The following LIMS2 variants were observed in gnomAD, a reference collection of about 807,000 sequenced individuals.
LIMS2 encodes the protein LIM and senescent cell antigen-like-containing domain protein 2.
LIMS2 carries 30 observed loss-of-function variants against 45.3 expected under a neutral mutation model. The observed-to-expected ratio is 0.66, with a 90% CI of 0.50 to 0.90. The LOEUF (loss-of-function observed/expected upper bound fraction) is 0.90, where lower values mean the gene tolerates loss of function less well. LIMS2 is among the 40% of genes least tolerant of loss of function. The pLI is 0.00. For missense variants in LIMS2, 485 were observed against 468.7 expected, an observed-to-expected ratio of 1.03 and a Z score of -0.32; for synonymous variants, 173 against 188.0, an observed-to-expected ratio of 0.92 and a Z score of 0.65.
intron 4 of LIMS2, chr2:127,645,751 C>T (rs1469717044): frequency 2.6e-5 from 4 of 152,314 alleles, no homozygotes; most frequent in Non-Finnish European, 4.4e-5. Flanking sequence ...GCCTCCCACC[C>T]TCCGTTCACA....
chr2:127,643,567 G>A (rs1682654306), intron 4 of LIMS2: 2 of 456,550 alleles, frequency 4.4e-6, no homozygotes, highest in Non-Finnish European at 8.8e-6. Flanking sequence ...CCAAAGACAA[G>A]CACTGCTATG....
rs989911622 is a variant in LIMS2 at position 127,653,898 on chromosome 2, G to A, written c.359+526C>T. 6.6e-6 allele frequency among the ~76,000 whole-genome samples: 1 copy of A among 152,100 alleles called. No homozygotes were observed. The highest frequency in any genetic ancestry group is 2.4e-5 in the African/African-American group (1 of 41,414). ...CAAGCCCTGGAGAAAGTGTGGGGAT[G>A]AACAGGGCTCACAGACAGAGGCCGG... On this transcript the variant is annotated intron_variant, in intron 4 of 9. Transcript: ENST00000355119. This position sits in a 1 kb window ranked among gnomAD's most constrained non-coding sequence, Gnocchi z 5.3.
chr2:127,678,107 G>C (rs955947250), upstream of LIMS2, among the ~76,000 whole-genome samples: 1 of 152,208 alleles, frequency 6.6e-6, no homozygotes, highest in Non-Finnish European at 1.5e-5. This position sits in a 1 kb window ranked among gnomAD's most constrained non-coding sequence, Gnocchi z 5.3. Flanking sequence ...AAGTGTTTAG[G>C]TAGAAAGGTA....
At chr2:127,670,751 ACGTGCCCTC>A in intron 1 of LIMS2, among the ~76,000 whole-genome samples, 1 of 152,340 alleles carries the variant, frequency 6.6e-6, no homozygotes, top group East Asian at 1.9e-4. Context: ...GCCCTGGGGC[ACGTGCCCTC>A]AGCCCAGTGG....
At chr2:127,678,495 A>T (rs914565509), upstream of LIMS2, among the ~76,000 whole-genome samples, 4 of 152,218 alleles carry the variant, frequency 2.6e-5, no homozygotes, top group Non-Finnish European at 4.4e-5. This position sits in a 1 kb window ranked among gnomAD's most constrained non-coding sequence, Gnocchi z 5.3. Flanking sequence ...TCTCAGGGAC[A>T]GTCTGATTAG....
In LIMS2 at chr2:127,651,559, T is replaced by C. The variant is rs757677352; in HGVS notation, c.359+2865A>G. ...GCCTCCTGCGCCACCCAGCGCATCC[T>C]GGCCCTGGCAAACCGCATCACCTCC... On this transcript the variant is annotated intron_variant, in intron 4 of 9. Coordinates refer to ENST00000355119, the MANE Select transcript of LIMS2 (RefSeq NM_001161403.3). 13 of 1,612,618 alleles carry C rather than the reference T, an allele frequency of 8.1e-6. No individual in the cohort carries two copies. Among genetic ancestry groups the C allele is most frequent in the Non-Finnish European group, 8.5e-6 (10 of 1,180,048 alleles).
chr2:127,643,587 G>A (rs1285217128), intron 4 of LIMS2: 1 of 456,666 alleles, frequency 2.2e-6, no homozygotes, highest in Non-Finnish European at 4.4e-6. Context: ...GTCAGATGGA[G>A]GCCCCCAAAC....
chr2:127,658,024 C>T (rs1197493703), intron 1 of LIMS2, among the ~76,000 whole-genome samples: 1 of 152,208 alleles, frequency 6.6e-6, no homozygotes, highest in African/African-American at 2.4e-5. Flanking sequence ...CCATCCTCTG[C>T]ACCATGAGTT....
At chr2:127,662,131 C>T (rs1260169034) in intron 1 of LIMS2, among the ~76,000 whole-genome samples, 1 of 152,200 alleles carries the variant, frequency 6.6e-6, no homozygotes, top group Admixed American at 6.5e-5. Flanking sequence ...GCACACCAGG[C>T]TGCAACCCTG....
rs536148999 is a variant in LIMS2 at position 127,653,334 on chromosome 2, A to T, written c.359+1090T>A. Among the ~76,000 whole-genome samples the T allele has an allele frequency of 6.6e-6, 1 of 152,282 alleles. No homozygotes were observed. The highest frequency in any genetic ancestry group is 2.4e-5 in the African/African-American group (1 of 41,560). Reference sequence around the variant, plus strand: ...TCACTGATACAGGGGACGCATGCAGAGGCAGCCTTGGTGGTCAGTGGAGGA... The same window carrying T: ...TCACTGATACAGGGGACGCATGCAGTGGCAGCCTTGGTGGTCAGTGGAGGA... On this transcript the variant is annotated intron_variant, in intron 4 of 9. Coordinates refer to ENST00000355119, the MANE Select transcript of LIMS2 (RefSeq NM_001161403.3). The surrounding 1 kb of genome is among the most constrained non-coding windows in gnomAD (Gnocchi z 5.3).
upstream of LIMS2, among the ~76,000 whole-genome samples, chr2:127,678,965 TCA>T: frequency 6.6e-6 from 1 of 152,164 alleles, no homozygotes; most frequent in South Asian, 2.1e-4. This position sits in a 1 kb window ranked among gnomAD's most constrained non-coding sequence, Gnocchi z 5.3. Flanking sequence ...TCTGTACCAG[TCA>T]GGAGCCCTCC....
In LIMS2 at chr2:127,664,385, C is replaced by T; in HGVS notation, c.12-6823G>A. The stretch of plus-strand genomic sequence containing the variant: ...GCGGCCAGCGCACCCAGCCGGGCCG[C>T]CATGGCGCGGGGCAGCCGCCTTGAG... On this transcript the variant is annotated intron_variant, in intron 1 of 9. Coordinates refer to ENST00000355119, the MANE Select transcript of LIMS2 (RefSeq NM_001161403.3). This position sits in a 1 kb window ranked among gnomAD's most constrained non-coding sequence, Gnocchi z 5.5. 1.7e-6 allele frequency: 2 copies of T among 1,209,142 alleles called. No homozygotes were observed. The highest frequency in any genetic ancestry group is 2.1e-6 in the Non-Finnish European group (2 of 973,520). 74.9% of individuals were successfully genotyped at this position (1,209,142 alleles called of 1,614,324 possible). A position where few individuals can be genotyped will look rare whatever the true frequency, so the allele number is the denominator to read the frequency against.
chr2:127,641,914 C>A, intron 6 of LIMS2, 135 bp downstream of exon 6: 1 of 1,058,820 alleles, frequency 9.4e-7, no homozygotes, highest in Non-Finnish European at 1.3e-6. Flanking sequence ...GGGGCAGTAC[C>A]CCTGAGGAAG....
chr2:127,674,963 G>GGTCCCGCA, intron 1 of LIMS2, 51 bp downstream of exon 1: 5 of 1,227,446 alleles, frequency 4.1e-6, no homozygotes, highest in Non-Finnish European at 5.1e-6. Context: ...CTCGGCCAGG[G>GGTCCCGCA]GTCCCGCAGT....
At chr2:127,663,976 G>T (rs1684843367) in intron 1 of LIMS2, among the ~76,000 whole-genome samples, 1 of 152,180 alleles carries the variant, frequency 6.6e-6, no homozygotes, top group Admixed American at 6.5e-5. Context: ...TCCAGCAGGT[G>T]TCTGCTCTGC....
At chr2:127,651,891 C>T (rs1172058007) in intron 4 of LIMS2, 5 of 794,692 alleles carry the variant, frequency 6.3e-6, no homozygotes, top group Non-Finnish European at 8.1e-6. Context: ...TTCTCTAGAT[C>T]GCCTAGTCTC....
chr2:127,649,935 G>C lies in LIMS2; in HGVS notation c.359+4489C>G. 3.2e-6 allele frequency: 4 copies of C among 1,251,396 alleles called. No individual in the cohort carries two copies. The South Asian group carries it at 5.1e-5, about 16-fold the overall frequency. The allele number at this position is 1,251,396 out of a possible 1,614,324, so 77.5% of individuals were successfully genotyped here. A position where few individuals can be genotyped will look rare whatever the true frequency, so the allele number is the denominator to read the frequency against. On this transcript the variant is annotated intron_variant, in intron 4 of 9. Coordinates refer to ENST00000355119, the MANE Select transcript of LIMS2 (RefSeq NM_001161403.3). ...TGCCCCCTGGTGGTGGATCTACTCTGGGAGAGAAAATACTCCCAGCTGGCC... is the reference window on the plus strand; with the variant it reads ...TGCCCCCTGGTGGTGGATCTACTCTCGGAGAGAAAATACTCCCAGCTGGCC...
At chr2:127,645,369 G>A (rs1335730043) in intron 4 of LIMS2, among the ~76,000 whole-genome samples, 1 of 152,230 alleles carries the variant, frequency 6.6e-6, no homozygotes, top group African/African-American at 2.4e-5. Context: ...GTTGCTGGAT[G>A]TATCATTTTC....
chr2:127,656,878 C>T (rs549084909), intron 2 of LIMS2, among the ~76,000 whole-genome samples: 1 of 152,298 alleles, frequency 6.6e-6, no homozygotes, highest in Admixed American at 6.5e-5. Flanking sequence ...CCCTCTCATG[C>T]CCTCGGCTTC....
Sources: allele counts gnomAD v4.1 joint callset (sites outside exome capture counted in the v4.1 genomes callset), GRCh38; gene constraint gnomAD v4.1.1; non-coding constraint Gnocchi (gnomAD v3.1); transcripts MANE v1.5; gene names NCBI Gene and HGNC (gene_info 2026-07-23, HGNC 2026-07-21).